The following PCNX4 variants were observed in gnomAD, a reference collection of about 807,000 sequenced individuals.
PCNX4 encodes the protein pecanex-like protein 4.
PCNX4 carries 103 observed loss-of-function variants against 107.2 expected under a neutral mutation model. The observed-to-expected ratio is 0.96, with a 90% confidence interval of 0.82 to 1.13. PCNX4 has a LOEUF of 1.13. PCNX4 is among the 50% of genes most tolerant of loss of function. The pLI, the probability that PCNX4 is intolerant of heterozygous loss-of-function variation, is 0.00. For synonymous variants in PCNX4, 541 were observed against 481.7 expected, an observed-to-expected ratio of 1.12 and a Z score of -1.61; for missense variants, 1,528 against 1,379.4, an observed-to-expected ratio of 1.11 and a Z score of -1.71.
intron 1 of PCNX4, among the ~76,000 whole-genome samples, chr14:60,103,121 T>A (rs183508742): frequency 4.6e-5 from 7 of 152,332 alleles, no homozygotes; most frequent in African/African-American, 1.7e-4. Flanking sequence ...TGATAGTTTT[T>A]TCCTTGTGTA....
chr14:60,098,109 A>G (rs527481400), intron 1 of PCNX4, among the ~76,000 whole-genome samples: 1 of 152,090 alleles, frequency 6.6e-6, no homozygotes, highest in Non-Finnish European at 1.5e-5. Flanking sequence ...ATCACACAAC[A>G]TCTCTGACCA....
intron 8 of PCNX4, among the ~76,000 whole-genome samples, chr14:60,122,586 C>G (rs543668987): frequency 1.6e-4 from 25 of 152,208 alleles, no homozygotes; most frequent in Non-Finnish European, 2.6e-4. Context: ...CCCAACCCCC[C>G]CTTGCCTTGC....
chr14:60,101,596 G>A (rs191654504), intron 1 of PCNX4, among the ~76,000 whole-genome samples: 152 of 152,188 alleles, frequency 1.0e-3, no homozygotes, highest in Admixed American at 3.9e-3. Context: ...AAAGAGTGTT[G>A]GTGAGGATAT....
At position 60,143,586 on chromosome 14, in the gene PCNX4, T is replaced by G. The variant is rs1896332106; in HGVS notation, c.*9365T>G. 1 of 152,222 alleles carries G rather than the reference T, an allele frequency of 6.6e-6. No homozygotes were observed. The highest frequency in any genetic ancestry group is 1.5e-5 in the Non-Finnish European group (1 of 68,050). 9.4% of individuals were successfully genotyped at this position (152,222 alleles called of 1,614,324 possible). ...TGAACAGTATTGTGTTAGCGTTGCT[T>G]CTTTATTTCTTCACTTATGACTATG... On this transcript the variant is annotated 3_prime_UTR_variant, in exon 11 of 11. Transcript: ENST00000406854.
Position 60,146,237 on chromosome 14 carries a change from A to G in PCNX4, c.*12016A>G, listed in dbSNP as rs1896403169. On this transcript the variant is annotated 3_prime_UTR_variant, in exon 11 of 11. Coordinates refer to ENST00000406854, the MANE Select transcript of PCNX4 (RefSeq NM_001330177.2). The surrounding 1 kb of genome is among the most constrained non-coding windows in gnomAD (Gnocchi z 4.9). ...TTTTTTTAGAAAAACCTAGATGTAA[A>G]AAAAATGCGAGATTTGCTAAATGAT... is the stretch of plus-strand genomic sequence containing the variant. 6.6e-6 allele frequency: 1 copy of G among 152,016 alleles called. No individual in the cohort carries two copies. The allele number at this position is 152,016 out of a possible 1,614,324, so 9.4% of individuals were successfully genotyped here.
At chr14:60,094,017 A>G (rs1000804477) in intron 1 of PCNX4, among the ~76,000 whole-genome samples, 1 of 152,078 alleles carries the variant, frequency 6.6e-6, no homozygotes, top group Non-Finnish European at 1.5e-5. Flanking sequence ...ATGTCTGTTC[A>G]TATCCTTTGC....
At chr14:60,116,149 C>A in intron 6 of PCNX4, 89 bp downstream of exon 6, 2 of 1,171,300 alleles carry the variant, frequency 1.7e-6, no homozygotes, top group South Asian at 1.9e-5. Context: ...GTTTTGTAGT[C>A]ATCACCACAA....
chr14:60,099,920 T>G (rs1306089771), intron 1 of PCNX4, among the ~76,000 whole-genome samples: 1 of 151,402 alleles, frequency 6.6e-6, no homozygotes, highest in Non-Finnish European at 1.5e-5. Context: ...AAAAAATTAG[T>G]CAGGGGTGGT....
chr14:60,114,657 C>A (rs770565553), intron 2 of PCNX4, 43 bp from the exon 3 acceptor site: 9 of 1,521,766 alleles, frequency 5.9e-6, no homozygotes, highest in Admixed American at 3.7e-5. Flanking sequence ...AGATCCTCTT[C>A]TATATATTTC....
At position 60,099,867 on chromosome 14, in the gene PCNX4, C is replaced by G. The variant is rs138653239; in HGVS notation, c.-54+7448C>G. Among the ~76,000 whole-genome samples the G allele has an allele frequency of 2.2e-3, 340 of 152,034 alleles. 2 individuals are homozygous for G. Among genetic ancestry groups the G allele is most frequent in the Non-Finnish European group, 3.4e-3 (232 of 67,984 alleles). On this transcript the variant is annotated intron_variant, in intron 1 of 10. Coordinates refer to ENST00000406854, the MANE Select transcript of PCNX4 (RefSeq NM_001330177.2). The stretch of plus-strand genomic sequence containing the variant: ...TCTCTTGAGGTTAGGAGTTCGAGAC[C>G]AGCCTGGCCAACGTAGTGAAACACT...
At position 60,118,579 on chromosome 14, in the gene PCNX4, G is replaced by A. The variant is rs1191792721; in HGVS notation, c.1829G>A (p.Trp610Ter). The change falls in exon 7 of 11, where the codon TGG (tryptophan) becomes TAG (stop). Residue 610 changes from tryptophan (W) to a stop codon, truncating the protein, a stop_gained. Transcript: ENST00000406854. LOFTEE classifies it high-confidence loss of function. ...LVGFPRPIQS[W>*]PGAAGTTACV... ...GGGTTTCCCCGACCTATTCAGAGTT[G>A]GCCAGGAGCAGCAGGCACCACAGCC... The A allele has an allele frequency of 1.2e-6, 2 of 1,613,708 alleles. No homozygotes were observed. The highest frequency in any genetic ancestry group is 1.1e-5 in the South Asian group (1 of 91,072).
rs546209091 is a variant in PCNX4, at chr14:60,122,642, T to C, written c.2046+1343T>C. The stretch of plus-strand genomic sequence containing the variant: ...ATAGTACTTATACCTTCTCACAAAC[T>C]ATGTAATTTACTTATTAGTTTTACT... On this transcript the variant is annotated intron_variant, in intron 8 of 10. Coordinates refer to ENST00000406854, the MANE Select transcript of PCNX4 (RefSeq NM_001330177.2). Among the ~76,000 whole-genome samples, 6 of 152,242 alleles carry C rather than the reference T, an allele frequency of 3.9e-5. No homozygotes were observed. In the South Asian group the frequency reaches 1.2e-3, roughly 32 times the overall value.
Position 60,107,708 on chromosome 14 carries a change from G to GT in PCNX4, c.72dup (p.Leu25SerfsTer19), listed in dbSNP as rs775839377. ...CTTTCTGAAGCGCTTTCCACAGACTGTTCTTGGAGGCCCTCGATTCAAATT... is the reference window on the plus strand; with the variant it reads ...CTTTCTGAAGCGCTTTCCACAGACTGTTTCTTGGAGGCCCTCGATTCAAATT... On this transcript the variant is annotated frameshift_variant, in exon 2 of 11. Transcript: ENST00000406854. LOFTEE classifies it high-confidence loss of function. The GT allele has an allele frequency of 5.6e-6, 9 of 1,612,812 alleles. No individual in the cohort carries two copies. The Admixed American group carries it at 1.3e-4, about 24-fold the overall frequency.
chr14:60,096,276 C>T (rs1263408405), intron 1 of PCNX4, among the ~76,000 whole-genome samples: 2 of 152,152 alleles, frequency 1.3e-5, no homozygotes, highest in South Asian at 2.1e-4. Flanking sequence ...TAAAGCCATA[C>T]GGTTTTGCAG....
At chr14:60,119,541 GAA>G (rs1005538783) in intron 7 of PCNX4, among the ~76,000 whole-genome samples, 34 of 152,060 alleles carry the variant, frequency 2.2e-4, no homozygotes, top group Non-Finnish European at 3.1e-4. Flanking sequence ...TGATTTATGA[GAA>G]AAAAATATTT....
In PCNX4 at chr14:60,121,347, A is replaced by G. The variant is rs576082543; in HGVS notation, c.2046+48A>G. On this transcript the variant is annotated intron_variant, in intron 8 of 10. Transcript: ENST00000406854. ...TGTAGTATTTTTATAGTTCATGTGT[A>G]AAATTTTACCTGTTATGTTCACATC... 8.2e-6 allele frequency: 13 copies of G among 1,577,938 alleles called. No homozygotes were observed. In the East Asian group the frequency reaches 2.7e-4, roughly 33 times the overall value.
In PCNX4 at chr14:60,144,806, A is replaced by G; in HGVS notation, c.*10585A>G. 1 of 653,358 alleles carries G rather than the reference A, an allele frequency of 1.5e-6. No individual in the cohort carries two copies. The highest frequency in any genetic ancestry group is 2.7e-6 in the Non-Finnish European group (1 of 374,198). The allele number at this position is 653,358 out of a possible 1,614,324, so 40.5% of individuals were successfully genotyped here. ...TTTGCAAGATTCATGGCAATCTTTTATTATTTATTTTTTATTTCATTCCAT... is the reference window on the plus strand; with the variant it reads ...TTTGCAAGATTCATGGCAATCTTTTGTTATTTATTTTTTATTTCATTCCAT... On this transcript the variant is annotated 3_prime_UTR_variant, in exon 11 of 11. Coordinates refer to ENST00000406854, the MANE Select transcript of PCNX4 (RefSeq NM_001330177.2).
At chr14:60,130,499 T>C (rs914418948) in intron 10 of PCNX4, among the ~76,000 whole-genome samples, 3 of 152,084 alleles carry the variant, frequency 2.0e-5, no homozygotes, top group Non-Finnish European at 2.9e-5. Flanking sequence ...GATTGGATGC[T>C]TACCCCTAAG....
chr14:60,130,359 G>A (rs1896132758), intron 10 of PCNX4, among the ~76,000 whole-genome samples: 1 of 150,882 alleles, frequency 6.6e-6, no homozygotes. Context: ...GATCATCTCG[G>A]TAGATATAAA....
Sources: allele counts gnomAD v4.1 joint callset (sites outside exome capture counted in the v4.1 genomes callset), GRCh38; gene constraint gnomAD v4.1.1; non-coding constraint Gnocchi (gnomAD v3.1); transcripts MANE v1.5; gene names NCBI Gene and HGNC (gene_info 2026-07-23, HGNC 2026-07-21).